The following PIGL variants were observed in gnomAD, a reference collection of about 807,000 sequenced individuals.
PIGL encodes the protein phosphatidylinositol glycan anchor biosynthesis class L.
In PIGL, 22 loss-of-function variants were observed where a neutral mutation model predicts 31.1. The observed-to-expected ratio is 0.71, with a 90% CI of 0.51 to 1.01. The LOEUF is 1.01. Ranked by LOEUF, PIGL falls within the 50% of genes least tolerant of loss-of-function variation. PIGL has a pLI of 0.00. For synonymous variants in PIGL, 131 were observed against 117.4 expected (o/e 1.12, Z -0.75); for missense variants, 302 against 315.9 (o/e 0.96, Z 0.33).
At chr17:16,292,395 T>TAA (rs1568827530) in intron 2 of PIGL, among the ~76,000 whole-genome samples, 1 of 121,366 alleles carries the variant, frequency 8.2e-6, no homozygotes, top group African/African-American at 2.7e-5. Context: ...ATCTTTCTCT[T>TAA]TAAAAAAAAA....
intron 2 of PIGL, among the ~76,000 whole-genome samples, chr17:16,291,643 G>C (rs904465415): frequency 6.6e-6 from 1 of 150,810 alleles, no homozygotes; most frequent in Non-Finnish European, 1.5e-5. Context: ...AGGAGGGCGG[G>C]TCACCTGAGG....
chr17:16,250,750 T>C (rs2092767643), intron 2 of PIGL, among the ~76,000 whole-genome samples: 1 of 152,224 alleles, frequency 6.6e-6, no homozygotes, highest in African/African-American at 2.4e-5. Context: ...CAAAATAGTC[T>C]AATTATTTTT....
chr17:16,319,455 T>C (rs959578465), intron 6 of PIGL, among the ~76,000 whole-genome samples: 1 of 151,896 alleles, frequency 6.6e-6, no homozygotes, highest in Admixed American at 6.6e-5. Context: ...CAGGAGCCTC[T>C]GTAAAGAGCC....
rs115263907 is a variant in PIGL, at chr17:16,224,274, A to G, written c.235+6813A>G. ...ATAGAAGCGCTATTATCTGATATGA[A>G]TAGTCTTCTGATTGTTCTTCAGGGT... is the stretch of plus-strand genomic sequence containing the variant. On this transcript the variant is annotated intron_variant, in intron 1 of 6. Coordinates refer to ENST00000225609, the MANE Select transcript of PIGL (RefSeq NM_004278.4). Among the ~76,000 whole-genome samples, 379 of 152,098 alleles carry G rather than the reference A, an allele frequency of 2.5e-3. 1 individual carries two copies. The highest frequency in any genetic ancestry group is 8.7e-3 in the African/African-American group (360 of 41,520).
At chr17:16,234,287 C>T (rs1440442717) in intron 2 of PIGL, 9 of 432,566 alleles carry the variant, frequency 2.1e-5, no homozygotes, top group African/African-American at 4.1e-5. Context: ...ATGGTAAAAC[C>T]GCATCTCTAC....
At chr17:16,282,184 T>G (rs1451551282) in intron 2 of PIGL, 3 of 403,934 alleles carry the variant, frequency 7.4e-6, no homozygotes, top group African/African-American at 4.1e-5. Context: ...CAGCTTTGCC[T>G]GCCCACAGTC....
In PIGL at chr17:16,300,588, G is replaced by T. The variant is rs764989784; in HGVS notation, c.426+610G>T. Among the ~76,000 whole-genome samples the T allele has an allele frequency of 3.6e-4, 54 of 151,904 alleles. 1 individual carries two copies. Among genetic ancestry groups the T allele is most frequent in the Non-Finnish European group, 7.1e-4 (48 of 68,018 alleles). On this transcript the variant is annotated intron_variant, in intron 3 of 6. Transcript: ENST00000225609. ...CCAGCTACTTGGGAGGCTGAGGCTC[G>T]AGAATCGCTTGAACTTGGGAGGCAG...
intron 2 of PIGL, among the ~76,000 whole-genome samples, chr17:16,288,487 G>C (rs2092947217): frequency 6.6e-6 from 1 of 152,058 alleles, no homozygotes; most frequent in Non-Finnish European, 1.5e-5. Context: ...TTACAGGCGT[G>C]AGCCACTGCG....
chr17:16,291,438 T>C (rs2092959800), intron 2 of PIGL, among the ~76,000 whole-genome samples: 1 of 144,288 alleles, frequency 6.9e-6, no homozygotes, highest in African/African-American at 2.6e-5. Flanking sequence ...ACTCAGGAGA[T>C]GAAGTTTGCA....
At chr17:16,241,128 A>AC (rs2092721424) in intron 2 of PIGL, among the ~76,000 whole-genome samples, 3 of 149,044 alleles carry the variant, frequency 2.0e-5, no homozygotes, top group African/African-American at 7.6e-5. Context: ...AAAAAAAAAA[A>AC]AAAAAAAAGA....
intron 2 of PIGL, among the ~76,000 whole-genome samples, chr17:16,266,528 T>C (rs2092843906): frequency 6.6e-6 from 1 of 152,152 alleles, no homozygotes; most frequent in Non-Finnish European, 1.5e-5. Context: ...CAGCCTCTTA[T>C]GTTGACCGAA....
chr17:16,218,372 C>T (rs1170428070), intron 1 of PIGL, among the ~76,000 whole-genome samples: 1 of 152,080 alleles, frequency 6.6e-6, no homozygotes, highest in African/African-American at 2.4e-5. Flanking sequence ...TGTGCTAGGC[C>T]TTATTCTATG....
intron 2 of PIGL, among the ~76,000 whole-genome samples, chr17:16,245,063 G>T (rs1481623823): frequency 1.3e-5 from 2 of 151,814 alleles, no homozygotes; most frequent in Non-Finnish European, 2.9e-5. Flanking sequence ...TGCAATCTCG[G>T]CTCACTGCAA....
rs145914582 is a variant in PIGL at position 16,299,986 on chromosome 17, G to A, written c.426+8G>A. On this transcript the variant is annotated splice_region_variant and intron_variant, in intron 3 of 6. Transcript: ENST00000225609. The stretch of plus-strand genomic sequence containing the variant: ...GTGAATGGCATCAATCTGGTAAGGG[G>A]GCAGCTCCCTGAATGGAAAACCTGA... 1 of 1,608,334 alleles carries A rather than the reference G, an allele frequency of 6.2e-7. No homozygotes were observed. The highest frequency in any genetic ancestry group is 1.3e-5 in the African/African-American group (1 of 74,908).
intron 3 of PIGL, 77 bp downstream of exon 3, chr17:16,300,055 T>C (rs1473863927): frequency 1.8e-6 from 2 of 1,117,606 alleles, no homozygotes; most frequent in Admixed American, 3.4e-5. Flanking sequence ...TAATTTTTTC[T>C]GTGGCCACCC....
intron 1 of PIGL, 168 bp downstream of exon 1, chr17:16,217,629 A>AAT: frequency 3.7e-6 from 2 of 547,594 alleles, no homozygotes; most frequent in Admixed American, 3.4e-5. Flanking sequence ...CGGCCGGCTT[A>AAT]CCTGGTGGGT....
At chr17:16,219,375 C>G (rs1164180249) in intron 1 of PIGL, among the ~76,000 whole-genome samples, 1 of 151,226 alleles carries the variant, frequency 6.6e-6, no homozygotes, top group Non-Finnish European at 1.5e-5. Context: ...TTATAAATTT[C>G]TTAATTTGTT....
chr17:16,308,231 G>C (rs2093034058), intron 3 of PIGL, among the ~76,000 whole-genome samples: 1 of 152,024 alleles, frequency 6.6e-6, no homozygotes, highest in African/African-American at 2.4e-5. Context: ...TACTCAGGAG[G>C]CTGAGGCAGG....
Position 16,303,054 on chromosome 17 carries a change from G to A in PIGL, c.426+3076G>A, listed in dbSNP as rs73978836. ...CCTTGACCCTGAGTATCTGAGGGAG[G>A]AGCTTTGGGGCACAGGCAGCTCTGT... is the stretch of plus-strand genomic sequence containing the variant. On this transcript the variant is annotated intron_variant, in intron 3 of 6. Transcript: ENST00000225609. 7.4e-3 allele frequency among the ~76,000 whole-genome samples: 1,124 copies of A among 152,236 alleles called. 12 individuals carry two copies. The highest frequency in any genetic ancestry group is 0.026 in the African/African-American group (1,065 of 41,548).
Sources: allele counts gnomAD v4.1 joint callset (sites outside exome capture counted in the v4.1 genomes callset), GRCh38; gene constraint gnomAD v4.1.1; transcripts MANE v1.5; gene names NCBI Gene and HGNC (gene_info 2026-07-23, HGNC 2026-07-21).